The following CORO7 variants were observed in gnomAD, a reference collection of about 807,000 sequenced individuals.
The protein encoded by CORO7 is coronin-7.
CORO7 carries 107 observed loss-of-function variants against 126.6 expected under a neutral mutation model. The observed-to-expected ratio is 0.85, with a 90% CI of 0.72 to 0.99. CORO7 has a LOEUF of 0.99. Ranked by LOEUF, CORO7 falls within the 50% of genes least tolerant of loss-of-function variation. The pLI is 0.00. For missense variants in CORO7, 1,314 were observed against 1,255.8 expected (o/e 1.05, Z -0.70); for synonymous variants, 603 against 536.8 (o/e 1.12, Z -1.70).
chr16:4,388,127 G>A (rs570487353), intron 8 of CORO7, 59 bp from the exon 9 acceptor site: 1 of 1,563,046 alleles, frequency 6.4e-7, no homozygotes, highest in Non-Finnish European at 8.7e-7. Context: ...CACCCGGGGG[G>A]CTCCCAGGGA....
Position 4,355,014 on chromosome 16 carries a change from G to A in CORO7, c.*144C>T. 1.2e-6 allele frequency: 1 copy of A among 855,754 alleles called. No individual in the cohort carries two copies. Among genetic ancestry groups the A allele is most frequent in the Non-Finnish European group, 1.7e-6 (1 of 585,736 alleles). The allele number at this position is 855,754 out of a possible 1,614,324, so 53.0% of individuals were successfully genotyped here. ...CCTGGGAACTGCCAGAGGCCCAGAG[G>A]ATGTGGAAGTGCCCACGGGAAGGCA... On this transcript the variant is annotated 3_prime_UTR_variant, in exon 28 of 28. Transcript: ENST00000251166.
At chr16:4,384,616 T>C (rs1307347204) in intron 9 of CORO7, among the ~76,000 whole-genome samples, 1 of 152,154 alleles carries the variant, frequency 6.6e-6, no homozygotes, top group African/African-American at 2.4e-5. Flanking sequence ...CGGGTGTTGA[T>C]GTCAGTGCCG....
At chr16:4,383,011 G>A (rs984024070) in intron 9 of CORO7, 1 of 1,208,650 alleles carries the variant, frequency 8.3e-7, no homozygotes, top group African/African-American at 1.6e-5. Flanking sequence ...GATGTGTGCA[G>A]ACAGGGCTGT....
At chr16:4,404,097 C>T (rs2055909054) in intron 6 of CORO7, among the ~76,000 whole-genome samples, 1 of 152,224 alleles carries the variant, frequency 6.6e-6, no homozygotes, top group South Asian at 2.1e-4. Flanking sequence ...GGAGATGCGG[C>T]TTCCACAAAA....
rs763232660 is a variant in CORO7 at position 4,358,409 on chromosome 16, C to A, written c.2415G>T (p.Gln805His). ...GGAAGGCCACAGGCTCCAGGGAGGA[C>A]TGACGCAGCCGCAGGCACCGCATCA... ...VELMRCLRLR[Q>H]SSLEPVAFRL... Residue 805 changes from glutamine to histidine, a missense_variant, in exon 24 of 28, where the codon CAG (glutamine) becomes CAT (histidine). Gln to His is a conservative substitution (Grantham distance 24). Transcript: ENST00000251166. 1 of 1,612,528 alleles carries A rather than the reference C, an allele frequency of 6.2e-7. No individual in the cohort carries two copies. Among genetic ancestry groups the A allele is most frequent in the Non-Finnish European group, 8.5e-7 (1 of 1,179,774 alleles).
At position 4,361,449 on chromosome 16, in the gene CORO7, C is replaced by A. The variant is rs2141186595; in HGVS notation, c.1599G>T (p.Leu533=). 4 of 1,612,014 alleles carry A rather than the reference C, an allele frequency of 2.5e-6. No homozygotes were observed. Among genetic ancestry groups the A allele is most frequent in the Non-Finnish European group, 3.4e-6 (4 of 1,179,806 alleles). ...AVLELRKPGR[L]PDTALPTLQN... ...GCAGCGTGGGCAGTGCCGTGTCGGGCAGGCGGCCAGGCTTCCGTAGCTGTG... is the reference window on the plus strand; with the variant it reads ...GCAGCGTGGGCAGTGCCGTGTCGGGAAGGCGGCCAGGCTTCCGTAGCTGTG... The change falls in exon 17 of 28, where the codon CTG becomes CTT. Residue 533 remains leucine (L), a synonymous_variant. Coordinates refer to ENST00000251166, the MANE Select transcript of CORO7 (RefSeq NM_024535.5).
At chr16:4,379,245 G>A (rs775084566) in intron 9 of CORO7, among the ~76,000 whole-genome samples, 11 of 152,104 alleles carry the variant, frequency 7.2e-5, no homozygotes, top group Non-Finnish European at 1.6e-4. Context: ...AGCTGCAGGC[G>A]CCACTGGGCA....
Position 4,364,392 on chromosome 16 carries a change from G to A in CORO7, c.1159C>T (p.Pro387Ser). Reference protein sequence around the residue: ...NQQVQKVSLNPACRPHPSFTS... With the variant: ...NQQVQKVSLNSACRPHPSFTS... Reference sequence around the variant, plus strand: ...AAGCTCGGGTGGGGCCGGCAGGCGGGGTTGAGGCTGACCTTCTGCACCTGC... The same window carrying A: ...AAGCTCGGGTGGGGCCGGCAGGCGGAGTTGAGGCTGACCTTCTGCACCTGC... Residue 387 changes from proline to serine, a missense_variant, in exon 14 of 28, where the codon CCC becomes TCC. Physicochemically the swap from Pro to Ser is moderately conservative, Grantham distance 74 (BLOSUM62 -1). Transcript: ENST00000251166. 1 of 1,510,836 alleles carries A rather than the reference G, an allele frequency of 6.6e-7. No individual in the cohort carries two copies. The highest frequency in any genetic ancestry group is 1.3e-5 in the South Asian group (1 of 74,706). 93.6% of individuals were successfully genotyped at this position (1,510,836 alleles called of 1,614,324 possible).
chr16:4,398,939 GC>G (rs1437261608), intron 6 of CORO7, among the ~76,000 whole-genome samples: 1 of 149,412 alleles, frequency 6.7e-6, no homozygotes, highest in Non-Finnish European at 1.5e-5. Flanking sequence ...TTGCACTCCA[GC>G]CCAGGTGACA....
intron 9 of CORO7, among the ~76,000 whole-genome samples, chr16:4,367,365 C>A (rs1186920282): frequency 6.6e-6 from 1 of 152,238 alleles, no homozygotes; most frequent in Non-Finnish European, 1.5e-5. Flanking sequence ...GCAGCTTTGA[C>A]AGGGCTTTCA....
At chr16:4,369,613 T>A (rs549545516) in intron 9 of CORO7, among the ~76,000 whole-genome samples, 12 of 152,028 alleles carry the variant, frequency 7.9e-5, no homozygotes, top group Non-Finnish European at 1.6e-4. Flanking sequence ...CCCCGCCAGC[T>A]CTCCCAGGAC....
In CORO7 at chr16:4,360,272, C is replaced by A. The variant is rs367661752; in HGVS notation, c.2108+6G>T. The A allele has an allele frequency of 7.8e-5, 126 of 1,613,302 alleles. No individual in the cohort carries two copies. Among genetic ancestry groups the A allele is most frequent in the Non-Finnish European group, 1.0e-4 (118 of 1,179,984 alleles). On this transcript the variant is annotated splice_donor_region_variant and intron_variant, in intron 21 of 27. Transcript: ENST00000251166. ...AGCCTGGGGATGGGGATGCCTGAGT[C>A]CTCACCTGTCAAAGCCAGACACCAG...
intron 6 of CORO7, among the ~76,000 whole-genome samples, chr16:4,403,297 T>G (rs866324494): frequency 1.3e-4 from 20 of 152,210 alleles, no homozygotes; most frequent in African/African-American, 4.3e-4. Context: ...CTGCCAGGGT[T>G]TCCAGTGTAG....
rs771960834 is a variant in CORO7, at chr16:4,365,559, G to A, written c.786-14C>T. The A allele has an allele frequency of 5.1e-6, 8 of 1,573,286 alleles. No homozygotes were observed. The Admixed American group carries it at 5.6e-5, about 11-fold the overall frequency. The stretch of plus-strand genomic sequence containing the variant: ...GGCACGAGACACCTGGGGAAGAGAG[G>A]GCAAGATGGCGGGTCAGGGCAGTGG... On this transcript the variant is annotated splice_polypyrimidine_tract_variant and intron_variant, in intron 9 of 27. Coordinates refer to ENST00000251166, the MANE Select transcript of CORO7 (RefSeq NM_024535.5).
chr16:4,375,948 A>G (rs879344703), intron 9 of CORO7, among the ~76,000 whole-genome samples: 3 of 152,174 alleles, frequency 2.0e-5, no homozygotes, highest in South Asian at 4.1e-4. Context: ...ATGAGGTCAC[A>G]AAGCGTGTGA....
intron 9 of CORO7, among the ~76,000 whole-genome samples, chr16:4,366,100 C>T (rs7191705): frequency 0.038 from 5,785 of 152,244 alleles, 396 homozygotes; most frequent in African/African-American, 0.13. Context: ...CAGAGACCCC[C>T]CCATGCTGAG....
intron 6 of CORO7, among the ~76,000 whole-genome samples, chr16:4,398,283 T>C (rs1194140608): frequency 6.6e-6 from 1 of 152,160 alleles, no homozygotes; most frequent in African/African-American, 2.4e-5. Flanking sequence ...ATATGTTCAA[T>C]ATCACTAACC....
intron 9 of CORO7, among the ~76,000 whole-genome samples, chr16:4,371,693 G>T (rs999413309): frequency 5.3e-5 from 8 of 152,370 alleles, no homozygotes; most frequent in Non-Finnish European, 1.0e-4. Context: ...GTGGCCGCAG[G>T]GTGAGGGCCA....
rs745682021 is a variant in CORO7 at position 4,381,518 on chromosome 16, G to A, written c.785+6468C>T. ...CAGCTGGACGAGGGGCTCTTCAGCCGCTTGCGCAACCTCCACGACCTGGAT... is the reference window on the plus strand; with the variant it reads ...CAGCTGGACGAGGGGCTCTTCAGCCACTTGCGCAACCTCCACGACCTGGAT... On this transcript the variant is annotated intron_variant, in intron 9 of 27. Coordinates refer to ENST00000251166, the MANE Select transcript of CORO7 (RefSeq NM_024535.5). The A allele has an allele frequency of 6.6e-5, 105 of 1,599,074 alleles. No homozygotes were observed. Among genetic ancestry groups the A allele is most frequent in the Non-Finnish European group, 8.1e-5 (95 of 1,174,188 alleles).
Sources: allele counts gnomAD v4.1 joint callset (sites outside exome capture counted in the v4.1 genomes callset), GRCh38; gene constraint gnomAD v4.1.1; transcripts MANE v1.5; gene names NCBI Gene and HGNC (gene_info 2026-07-23, HGNC 2026-07-21).